The following PKNOX2 variants were observed in gnomAD, a reference collection of about 807,000 sequenced individuals.
PKNOX2 encodes the protein PBX/knotted 1 homeobox 2.
Under a neutral mutation model 53.1 loss-of-function variants are expected in PKNOX2, and 14 were observed. The ratio of observed to expected loss-of-function variants is 0.26; its 90% confidence interval spans 0.17 to 0.41. The LOEUF (loss-of-function observed/expected upper bound fraction) is 0.41. Ranked by LOEUF, PKNOX2 falls within the 10% of genes least tolerant of loss-of-function variation. The pLI is 1.00. For synonymous variants in PKNOX2, 257 were observed against 242.8 expected (o/e 1.06, Z -0.54); for missense variants, 496 against 602.8 (o/e 0.82, Z 1.85).
At chr11:125,393,358 C>A (rs1293085125) in intron 6 of PKNOX2, among the ~76,000 whole-genome samples, 1 of 152,022 alleles carries the variant, frequency 6.6e-6, no homozygotes, top group Non-Finnish European at 1.5e-5. Flanking sequence ...TACATTAAGG[C>A]GGGAGAGATT....
intron 7 of PKNOX2, among the ~76,000 whole-genome samples, chr11:125,405,492 C>T (rs181295136): frequency 6.2e-5 from 9 of 144,470 alleles, no homozygotes; most frequent in South Asian, 2.2e-4. Flanking sequence ...TTCATGTGGG[C>T]CCCTGCACCC....
At chr11:125,412,002 T>A in intron 10 of PKNOX2, 137 bp downstream of exon 10, 1 of 1,407,488 alleles carries the variant, frequency 7.1e-7, no homozygotes, top group East Asian at 2.3e-5. Context: ...CTGATAGGAA[T>A]GACATCTGGA....
intron 4 of PKNOX2, among the ~76,000 whole-genome samples, chr11:125,353,100 G>A (rs1479938456): frequency 1.3e-5 from 2 of 152,200 alleles, no homozygotes; most frequent in East Asian, 1.9e-4. Context: ...CCCACATATC[G>A]ATTAAGTGGT....
chr11:125,173,651 C>T (rs1218897058), intron 1 of PKNOX2, among the ~76,000 whole-genome samples: 5 of 152,202 alleles, frequency 3.3e-5, no homozygotes, highest in Non-Finnish European at 5.9e-5. Flanking sequence ...TCAGGTGGGG[C>T]TGGGAGGGCC....
At chr11:125,340,790 G>T (rs915544140) in intron 3 of PKNOX2, among the ~76,000 whole-genome samples, 2 of 152,044 alleles carry the variant, frequency 1.3e-5, no homozygotes, top group Non-Finnish European at 2.9e-5. Context: ...GGTGGCTCAC[G>T]CCCGTAATCC....
chr11:125,334,305 A>T (rs1267506207), intron 3 of PKNOX2, among the ~76,000 whole-genome samples: 2 of 152,234 alleles, frequency 1.3e-5, no homozygotes, highest in East Asian at 3.8e-4. Flanking sequence ...TTGGGCAAAC[A>T]TAAACCTTAG....
At chr11:125,320,909 T>C (rs1949481213) in intron 2 of PKNOX2, among the ~76,000 whole-genome samples, 1 of 152,164 alleles carries the variant, frequency 6.6e-6, no homozygotes, top group Non-Finnish European at 1.5e-5. Flanking sequence ...TTGCAACCTG[T>C]AGTTGCTGTG....
intron 2 of PKNOX2, chr11:125,330,227 A>AGAT (rs1950058517): frequency 6.6e-6 from 1 of 152,412 alleles, no homozygotes; most frequent in Admixed American, 6.5e-5. Context: ...AGTGAAAAGG[A>AGAT]GATGAGGCTT....
chr11:125,233,223 T>C (rs1225102079), intron 1 of PKNOX2, among the ~76,000 whole-genome samples: 1 of 152,354 alleles, frequency 6.6e-6, no homozygotes, highest in East Asian at 1.9e-4. Flanking sequence ...TTCTCAGCTT[T>C]GCATCATGTG....
chr11:125,281,544 G>A (rs957941146), intron 2 of PKNOX2, among the ~76,000 whole-genome samples: 2 of 152,178 alleles, frequency 1.3e-5, no homozygotes, highest in African/African-American at 4.8e-5. Context: ...GATAATAATA[G>A]CTACTGTCTT....
intron 3 of PKNOX2, among the ~76,000 whole-genome samples, chr11:125,337,150 A>T (rs1232331866): frequency 6.6e-6 from 1 of 152,204 alleles, no homozygotes; most frequent in Non-Finnish European, 1.5e-5. Context: ...ATCTGTTTAA[A>T]AGCATTAAAA....
chr11:125,213,022 A>G (rs1228023988), intron 1 of PKNOX2, among the ~76,000 whole-genome samples: 2 of 151,252 alleles, frequency 1.3e-5, no homozygotes, highest in African/African-American at 4.9e-5. Flanking sequence ...TTTTCCCTGA[A>G]CTCCTAGCCT....
At chr11:125,413,652 C>T (rs764510054) in intron 10 of PKNOX2, among the ~76,000 whole-genome samples, 2 of 152,182 alleles carry the variant, frequency 1.3e-5, no homozygotes, top group African/African-American at 4.8e-5. Flanking sequence ...TCAGTGTTAC[C>T]TTTTACCCGG....
At chr11:125,294,763 G>T (rs1448619417) in intron 2 of PKNOX2, among the ~76,000 whole-genome samples, 1 of 152,214 alleles carries the variant, frequency 6.6e-6, no homozygotes, top group Non-Finnish European at 1.5e-5. Flanking sequence ...ATACGAACAG[G>T]TTAATATCTA....
chr11:125,224,354 A>G (rs1004518322), intron 1 of PKNOX2, among the ~76,000 whole-genome samples: 10 of 152,214 alleles, frequency 6.6e-5, no homozygotes, highest in Non-Finnish European at 1.2e-4. Flanking sequence ...ATCCCATTTT[A>G]TCTACCTGCC....
rs146018166 is a variant in PKNOX2 at position 125,232,630 on chromosome 11, G to A, written c.-200-2415G>A. ...CCTCTCTTTTCTATTCATCATTGTC[G>A]AAGTTCCTAAAATATGATGCTAAAA... is the stretch of plus-strand genomic sequence containing the variant. On this transcript the variant is annotated intron_variant, in intron 1 of 12. Transcript: ENST00000298282. Among the ~76,000 whole-genome samples, 193 of 152,134 alleles carry A rather than the reference G, an allele frequency of 1.3e-3. 1 individual carries two copies. The highest frequency in any genetic ancestry group is 4.2e-3 in the African/African-American group (174 of 41,510).
chr11:125,411,244 T>C (rs1204241408), intron 9 of PKNOX2: 1 of 308,490 alleles, frequency 3.2e-6, no homozygotes, highest in Non-Finnish European at 6.2e-6. Flanking sequence ...ACCTAACCTC[T>C]CTGAGCCTCA....
rs1942970787 is a variant in PKNOX2, at chr11:125,239,241, A to G, written c.-130+4126A>G. 2.0e-5 allele frequency among the ~76,000 whole-genome samples: 3 copies of G among 152,368 alleles called. No homozygotes were observed. The South Asian group carries it at 6.2e-4, about 32-fold the overall frequency. On this transcript the variant is annotated intron_variant, in intron 2 of 12. Coordinates refer to ENST00000298282, the MANE Select transcript of PKNOX2 (RefSeq NM_001382323.2). ...ACACATTAGTGTCTTGCCCTTTGAC[A>G]AATGAATATTGAATGAGCAATAAAG...
chr11:125,223,877 T>A (rs552923747), intron 1 of PKNOX2, among the ~76,000 whole-genome samples: 1 of 152,256 alleles, frequency 6.6e-6, no homozygotes, highest in Middle Eastern at 3.4e-3. Context: ...CAAGGGTTGG[T>A]AAAGGCATGA....
Sources: allele counts gnomAD v4.1 joint callset (sites outside exome capture counted in the v4.1 genomes callset), GRCh38; gene constraint gnomAD v4.1.1; transcripts MANE v1.5; gene names NCBI Gene and HGNC (gene_info 2026-07-23, HGNC 2026-07-21).